The following SARDH variants were observed in gnomAD, a reference collection of about 807,000 sequenced individuals.
SARDH encodes sarcosine dehydrogenase, mitochondrial.
SARDH carries 95 observed loss-of-function variants against 109.1 expected under a neutral mutation model. That is an observed-to-expected ratio of 0.87 (90% CI 0.74 to 1.03). The LOEUF (loss-of-function observed/expected upper bound fraction) is 1.03. SARDH is among the 50% of genes least tolerant of loss of function. The pLI, the probability that SARDH is intolerant of heterozygous loss-of-function variation, is 0.00. For missense variants in SARDH, 1,267 were observed against 1,287.8 expected (o/e 0.98, Z 0.25); for synonymous variants, 572 against 534.8 (o/e 1.07, Z -0.96).
Position 133,666,697 on chromosome 9 carries a change from C to A in SARDH, c.2631+38G>T, listed in dbSNP as rs201144043. On this transcript the variant is annotated intron_variant, in intron 20 of 20. Transcript: ENST00000439388. This position sits in a 1 kb window ranked among gnomAD's most constrained non-coding sequence, Gnocchi z 5.2. Reference sequence around the variant, plus strand: ...AGCTGGTTTGGAGCTGGTGAGGGATCGGCATCTGCCTTAGCAGGGCCAGAG... The same window carrying A: ...AGCTGGTTTGGAGCTGGTGAGGGATAGGCATCTGCCTTAGCAGGGCCAGAG... The A allele has an allele frequency of 1.3e-6, 2 of 1,561,722 alleles. No homozygotes were observed. The highest frequency in any genetic ancestry group is 1.7e-6 in the Non-Finnish European group (2 of 1,153,240).
chr9:133,736,291 A>C (rs1224637494), intron 1 of SARDH, among the ~76,000 whole-genome samples: 1 of 152,250 alleles, frequency 6.6e-6, no homozygotes, highest in Non-Finnish European at 1.5e-5. Flanking sequence ...ATCCGCACCT[A>C]ACTTTCAAAA....
chr9:133,708,599 A>G (rs984326426), intron 10 of SARDH, among the ~76,000 whole-genome samples, 171 bp from the exon 11 acceptor site: 1 of 151,984 alleles, frequency 6.6e-6, no homozygotes, highest in African/African-American at 2.4e-5. Context: ...GGGTGAACTC[A>G]GCTTTCTCCC....
chr9:133,712,840 G>T lies in SARDH; in HGVS notation c.1238-131C>A. On this transcript the variant is annotated intron_variant, in intron 9 of 20. Transcript: ENST00000439388. The surrounding 1 kb of genome is among the most constrained non-coding windows in gnomAD (Gnocchi z 4.1). ...TGCTCTCACACCTGGGGTGCTGCACGCCTCCTGATTGGACTGCTGCTGGAC... is the reference window on the plus strand; with the variant it reads ...TGCTCTCACACCTGGGGTGCTGCACTCCTCCTGATTGGACTGCTGCTGGAC... 5.2e-6 allele frequency: 5 copies of T among 969,426 alleles called. No homozygotes were observed. The highest frequency in any genetic ancestry group is 7.8e-6 in the Non-Finnish European group (5 of 644,474). The allele number at this position is 969,426 out of a possible 1,614,324, so 60.1% of individuals were successfully genotyped here.
Position 133,692,199 on chromosome 9 carries a change from A to C in SARDH, c.1922-1672T>G, listed in dbSNP as rs963176657. Among the ~76,000 whole-genome samples, 7 of 152,022 alleles carry C rather than the reference A, an allele frequency of 4.6e-5. No individual in the cohort carries two copies. The highest frequency in any genetic ancestry group is 1.0e-4 in the Non-Finnish European group (7 of 67,986). ...CGCGTCTTCCTCACTCCATTCCACC[A>C]ATGGGGGAAACTGAGGCTCGGGGGG... On this transcript the variant is annotated intron_variant, in intron 15 of 20. Coordinates refer to ENST00000439388, the MANE Select transcript of SARDH (RefSeq NM_001134707.2). The surrounding 1 kb of genome is among the most constrained non-coding windows in gnomAD (Gnocchi z 5.0).
chr9:133,685,129 C>T, intron 17 of SARDH, 64 bp downstream of exon 17: 1 of 1,432,780 alleles, frequency 7.0e-7, no homozygotes, highest in Non-Finnish European at 9.6e-7. Flanking sequence ...CCCAGATCCC[C>T]CGGCGCACCC....
upstream of SARDH, chr9:133,739,636 C>G (rs1832994522): frequency 1.3e-5 from 2 of 152,338 alleles, no homozygotes; most frequent in Non-Finnish European, 2.9e-5. Flanking sequence ...AAAGGGCCCA[C>G]TGGCTTAGGC....
Position 133,670,707 on chromosome 9 carries a change from AG to A in SARDH, c.2371del (p.Leu791TrpfsTer93). The A allele has an allele frequency of 6.2e-7, 1 of 1,605,506 alleles. No homozygotes were observed. Among genetic ancestry groups the A allele is most frequent in the Non-Finnish European group, 8.5e-7 (1 of 1,176,824 alleles). ...HADLRPDDSP[L>X]EAGLAFTCKL... ...GCAGGTGAAGGCCAGGCCTGCCTCC[AG>A]GGGGCTGTCGTCTGGCCGCAGGTCC... On this transcript the variant is annotated frameshift_variant, in exon 19 of 21. Transcript: ENST00000439388. LOFTEE classifies it high-confidence loss of function.
rs1247766080 is a variant in SARDH at position 133,728,006 on chromosome 9, C to G, written c.915+1759G>C. ...AGAACCCACTGAGACCTGAGCGTGA[C>G]CCCTGGCGGCCACCTAGGGGAGGAG... On this transcript the variant is annotated intron_variant, in intron 6 of 20. Transcript: ENST00000439388. The surrounding 1 kb of genome is among the most constrained non-coding windows in gnomAD (Gnocchi z 5.0). 1.3e-5 allele frequency among the ~76,000 whole-genome samples: 2 copies of G among 152,082 alleles called. No homozygotes were observed. The highest frequency in any genetic ancestry group is 4.8e-5 in the African/African-American group (2 of 41,416).
At chr9:133,685,034 G>A (rs1435865385) in intron 17 of SARDH, among the ~76,000 whole-genome samples, 159 bp downstream of exon 17, 1 of 152,190 alleles carries the variant, frequency 6.6e-6, no homozygotes, top group Non-Finnish European at 1.5e-5. Context: ...GCCTGTAGGA[G>A]GGCCGCCTGG....
chr9:133,698,201 G>C (rs930096144), intron 13 of SARDH, among the ~76,000 whole-genome samples: 1 of 151,854 alleles, frequency 6.6e-6, no homozygotes, highest in Non-Finnish European at 1.5e-5. Context: ...AAAATGCTTA[G>C]GAATAAATTT....
chr9:133,703,233 G>A (rs1220132015), intron 12 of SARDH: 1 of 578,638 alleles, frequency 1.7e-6, no homozygotes, highest in African/African-American at 1.9e-5. Context: ...GGAGGCCGCA[G>A]GGTTGCCTGG....
At chr9:133,723,750 G>A (rs754255168) in intron 6 of SARDH, among the ~76,000 whole-genome samples, 5 of 152,172 alleles carry the variant, frequency 3.3e-5, no homozygotes, top group Non-Finnish European at 5.9e-5. Flanking sequence ...GCAAAAGAGC[G>A]AGACGCTGTC....
Position 133,732,615 on chromosome 9 carries a change from T to C in SARDH, c.332-14A>G, listed in dbSNP as rs754340099. Reference sequence around the variant, plus strand: ...GCCACAGCAGGCCTGCCCGGGAGGGTGGGTGCCATCACTCCCCAGGGAGTG... The same window carrying C: ...GCCACAGCAGGCCTGCCCGGGAGGGCGGGTGCCATCACTCCCCAGGGAGTG... On this transcript the variant is annotated splice_polypyrimidine_tract_variant and intron_variant, in intron 2 of 20. Transcript: ENST00000439388. The C allele has an allele frequency of 4.0e-5, 64 of 1,590,528 alleles. No individual in the cohort carries two copies. Among genetic ancestry groups the C allele is most frequent in the Non-Finnish European group, 5.3e-5 (62 of 1,167,302 alleles).
intron 7 of SARDH, 25 bp from the exon 8 acceptor site, chr9:133,717,480 T>A (rs1164116909): frequency 6.2e-7 from 1 of 1,613,382 alleles, no homozygotes; most frequent in Non-Finnish European, 8.5e-7. Flanking sequence ...CAGGGGAACA[T>A]CTCCGTTGTC....
rs545768987 is a variant in SARDH at position 133,722,642 on chromosome 9, G to T, written c.916-3600C>A. On this transcript the variant is annotated intron_variant, in intron 6 of 20. Coordinates refer to ENST00000439388, the MANE Select transcript of SARDH (RefSeq NM_001134707.2). ...AGGAAACCACTAAAAAACTACTAGC[G>T]CTCTCTCTCTCTCTCTCTCTCTCTC... is the stretch of plus-strand genomic sequence containing the variant. Among the ~76,000 whole-genome samples the T allele has an allele frequency of 2.4e-3, 347 of 145,820 alleles. 1 individual carries two copies. The highest frequency in any genetic ancestry group is 0.01 in the Middle Eastern group (3 of 290).
In SARDH at chr9:133,690,483, T is replaced by A; in HGVS notation, c.1966A>T (p.Asn656Tyr). The change falls in exon 16 of 21, where the codon AAC becomes TAC. Residue 656 changes from asparagine to tyrosine, a missense_variant. Asn to Tyr is a moderately radical substitution (Grantham distance 143). Transcript: ENST00000439388. ...LAMGGAVAQH[N>Y]WSHITTVLQD... Reference sequence around the variant, plus strand: ...AGCACGGTGGTGATGTGGGACCAGTTGTGCTGGGCCACGGCCCCGCCCATG... The same window carrying A: ...AGCACGGTGGTGATGTGGGACCAGTAGTGCTGGGCCACGGCCCCGCCCATG... 1 of 1,611,314 alleles carries A rather than the reference T, an allele frequency of 6.2e-7. No individual in the cohort carries two copies. Among genetic ancestry groups the A allele is most frequent in the Non-Finnish European group, 8.5e-7 (1 of 1,179,760 alleles).
chr9:133,680,727 C>A (rs1321061354), intron 17 of SARDH, among the ~76,000 whole-genome samples: 1 of 151,988 alleles, frequency 6.6e-6, no homozygotes, highest in East Asian at 1.9e-4. Flanking sequence ...GGGCCACAGT[C>A]GTCCTCCAGA....
chr9:133,683,037 C>T (rs1030228925), intron 17 of SARDH, among the ~76,000 whole-genome samples: 42 of 152,364 alleles, frequency 2.8e-4, no homozygotes, highest in Admixed American at 8.5e-4. Flanking sequence ...CCTGCACCCC[C>T]CACGCTGTGT....
chr9:133,703,748 A>C (rs1272204076), intron 12 of SARDH: 5 of 152,262 alleles, frequency 3.3e-5, no homozygotes, highest in African/African-American at 4.8e-5. Context: ...CAGGGCTGCC[A>C]GCCCCGTCCG....
Sources: gnomAD v4.1 joint callset for allele counts (sites outside exome capture counted in the v4.1 genomes callset) on GRCh38, gnomAD v4.1.1 for gene constraint, Gnocchi (gnomAD v3.1) non-coding constraint, MANE v1.5 for transcripts, NCBI Gene and HGNC (gene_info 2026-07-23, HGNC 2026-07-21) for gene names.